TESC: variants seen among roughly 807,000 people sequenced by gnomAD.
The protein encoded by TESC is tescalcin.
Under a neutral mutation model 31.0 loss-of-function variants are expected in TESC, and 19 were observed. That is an observed-to-expected ratio of 0.61 (90% confidence interval 0.43 to 0.90). The LOEUF (loss-of-function observed/expected upper bound fraction) is 0.90. Among genes scored for constraint, TESC ranks in the 40% least tolerant of loss-of-function variants. TESC has a pLI of 0.00. For missense variants in TESC, 248 were observed against 303.8 expected, an observed-to-expected ratio of 0.82 and a Z score of 1.36; for synonymous variants, 109 against 114.8, an observed-to-expected ratio of 0.95 and a Z score of 0.32.
chr12:117,041,959 C>T lies in TESC; in HGVS notation c.555G>A (p.Glu185=). 1 of 1,592,136 alleles carries T rather than the reference C, an allele frequency of 6.3e-7. No homozygotes were observed. Among genetic ancestry groups the T allele is most frequent in the Non-Finnish European group, 8.6e-7 (1 of 1,168,906 alleles). The change falls in exon 7 of 8, where the codon GAG becomes GAA. Residue 185 remains glutamate (E), a synonymous_variant. Coordinates refer to ENST00000335209, the MANE Select transcript of TESC (RefSeq NM_017899.4). ...PDQVYEGITF[E]DFLKIWQGID... ...CCAGGCCACCCACCTTCAGGAAGTC[C>T]TCGAAGGTGATCCCCTCGTACACCT...
chr12:117,087,937 C>T (rs1253720250), intron 1 of TESC, among the ~76,000 whole-genome samples: 1 of 152,226 alleles, frequency 6.6e-6, no homozygotes, highest in Non-Finnish European at 1.5e-5. Flanking sequence ...AGTTAGTCCT[C>T]GCTTTTAGGG....
intron 5 of TESC, 31 bp downstream of exon 5, chr12:117,046,745 AG>A: frequency 6.4e-7 from 1 of 1,555,646 alleles, no homozygotes; most frequent in Non-Finnish European, 8.7e-7. Context: ...AGGCACCAGG[AG>A]CCCCGGGCGG....
intron 1 of TESC, 63 bp downstream of exon 1, chr12:117,099,162 C>A (rs2135813307): frequency 8.3e-6 from 12 of 1,450,144 alleles, no homozygotes; most frequent in Non-Finnish European, 1.1e-5. Flanking sequence ...GGGCCGGGGT[C>A]CCCAACAGTG....
In TESC at chr12:117,065,688, A is replaced by C. The variant is rs1296347579; in HGVS notation, c.129-8802T>G. 3.3e-5 allele frequency among the ~76,000 whole-genome samples: 5 copies of C among 152,246 alleles called. No individual in the cohort carries two copies. The East Asian group carries it at 9.7e-4, about 29-fold the overall frequency. Reference sequence around the variant, plus strand: ...AGGACTCCTTGAGCCCAGGAGTTCAAGACCAGCCTTGGCAACATGGCAAGA... The same window carrying C: ...AGGACTCCTTGAGCCCAGGAGTTCACGACCAGCCTTGGCAACATGGCAAGA... On this transcript the variant is annotated intron_variant, in intron 2 of 7. Coordinates refer to ENST00000335209, the MANE Select transcript of TESC (RefSeq NM_017899.4).
chr12:117,065,841 C>T (rs1364132044), intron 2 of TESC, among the ~76,000 whole-genome samples: 1 of 152,066 alleles, frequency 6.6e-6, no homozygotes, highest in African/African-American at 2.4e-5. Context: ...GAGATCGAAC[C>T]ACCACACTTC....
intron 3 of TESC, among the ~76,000 whole-genome samples, chr12:117,055,266 C>G (rs11611741): frequency 0.4 from 60,837 of 151,958 alleles, 13,539 homozygotes; most frequent in African/African-American, 0.61. Flanking sequence ...CTCAGCCTCC[C>G]GAGTAGTTGG....
intron 2 of TESC, among the ~76,000 whole-genome samples, chr12:117,057,096 A>G (rs779693118): frequency 2.0e-5 from 3 of 152,014 alleles, no homozygotes; most frequent in Non-Finnish European, 4.4e-5. Context: ...GAGGATTTGG[A>G]GGCTCAAGAT....
intron 1 of TESC, among the ~76,000 whole-genome samples, chr12:117,077,636 G>C (rs946795798): frequency 7.9e-5 from 12 of 152,206 alleles, no homozygotes; most frequent in Non-Finnish European, 1.5e-4. Context: ...AGCCAGACAG[G>C]AAAGTGTACA....
chr12:117,049,366 C>G (rs377645691), intron 3 of TESC, among the ~76,000 whole-genome samples: 20 of 152,336 alleles, frequency 1.3e-4, no homozygotes, highest in Non-Finnish European at 2.8e-4. Context: ...CCTGCCCTCA[C>G]GGAGCTCATC....
At chr12:117,073,004 C>T (rs1385448633) in intron 2 of TESC, among the ~76,000 whole-genome samples, 1 of 152,196 alleles carries the variant, frequency 6.6e-6, no homozygotes, top group African/African-American at 2.4e-5. Flanking sequence ...TCATTAACTT[C>T]TGAAGGAACA....
intron 1 of TESC, among the ~76,000 whole-genome samples, chr12:117,093,728 G>A (rs1166617926): frequency 1.3e-5 from 2 of 151,988 alleles, no homozygotes; most frequent in East Asian, 3.9e-4. Flanking sequence ...GATGCCACGC[G>A]CCCGAGAAAC....
intron 6 of TESC, 88 bp downstream of exon 6, chr12:117,046,471 T>C: frequency 7.6e-7 from 1 of 1,313,288 alleles, no homozygotes; most frequent in Admixed American, 2.3e-5. Context: ...AGAATACACC[T>C]GGCCCCTGCC....
intron 2 of TESC, among the ~76,000 whole-genome samples, chr12:117,062,018 CTCT>C (rs1158129212): frequency 1.3e-5 from 2 of 152,122 alleles, no homozygotes; most frequent in African/African-American, 2.4e-5. Flanking sequence ...ACAGGATGAG[CTCT>C]TAATTTTAAA....
At chr12:117,051,642 C>T (rs1954649065) in intron 3 of TESC, among the ~76,000 whole-genome samples, 1 of 152,160 alleles carries the variant, frequency 6.6e-6, no homozygotes, top group Non-Finnish European at 1.5e-5. Context: ...ACACGTCCTT[C>T]CCAAGTGGTT....
At chr12:117,059,289 A>G (rs577736021) in intron 2 of TESC, among the ~76,000 whole-genome samples, 4 of 152,306 alleles carry the variant, frequency 2.6e-5, no homozygotes, top group Admixed American at 1.3e-4. Context: ...GGAGGCATGG[A>G]GAGGCACAGC....
intron 3 of TESC, among the ~76,000 whole-genome samples, chr12:117,051,098 C>T (rs1954641745): frequency 1.3e-5 from 2 of 152,268 alleles, no homozygotes; most frequent in Admixed American, 6.5e-5. Flanking sequence ...TGTGGCCCTT[C>T]GGAAGGGGCA....
intron 6 of TESC, among the ~76,000 whole-genome samples, chr12:117,042,785 G>A (rs1954504073): frequency 6.6e-6 from 1 of 152,178 alleles, no homozygotes; most frequent in Non-Finnish European, 1.5e-5. Context: ...TGACATCCCA[G>A]GTGCCCGTCA....
At chr12:117,045,974 C>T (rs1954551709) in intron 6 of TESC, among the ~76,000 whole-genome samples, 1 of 152,200 alleles carries the variant, frequency 6.6e-6, no homozygotes, top group South Asian at 2.1e-4. Flanking sequence ...ATTCTCTATG[C>T]TCTCTGAGTC....
chr12:117,096,131 C>T (rs550006804), intron 1 of TESC, among the ~76,000 whole-genome samples: 2 of 152,290 alleles, frequency 1.3e-5, no homozygotes, highest in African/African-American at 4.8e-5. Context: ...TGTTCATTAT[C>T]ACCAGCCTCA....
Sources: gnomAD v4.1 joint callset for allele counts (sites outside exome capture counted in the v4.1 genomes callset) on GRCh38, gnomAD v4.1.1 for gene constraint, MANE v1.5 for transcripts, NCBI Gene and HGNC (gene_info 2026-07-23, HGNC 2026-07-21) for gene names.